The following AMBRA1 variants were observed in gnomAD, a reference collection of about 807,000 sequenced individuals.
AMBRA1 encodes autophagy and beclin 1 regulator 1, also known as activating molecule in BECN1-regulated autophagy protein 1.
In AMBRA1, 47 loss-of-function variants were observed where a neutral mutation model predicts 125.4. The ratio of observed to expected loss-of-function variants is 0.37; its 90% CI spans 0.30 to 0.48. The LOEUF (loss-of-function observed/expected upper bound fraction) is 0.48, where lower values mean the gene tolerates loss of function less well. Ranked by LOEUF, AMBRA1 falls within the 20% of genes least tolerant of loss-of-function variation. The pLI is 0.99. For missense variants in AMBRA1, 1,331 were observed against 1,693.4 expected (o/e 0.79, Z 3.76); for synonymous variants, 626 against 655.5 (o/e 0.95, Z 0.69).
intron 11 of AMBRA1, among the ~76,000 whole-genome samples, chr11:46,474,101 C>T (rs1007869233): frequency 2.6e-5 from 4 of 151,562 alleles, no homozygotes; most frequent in African/African-American, 7.3e-5. Flanking sequence ...TATATTACTC[C>T]TTAGAATAGC....
chr11:46,459,070 G>A (rs1948978030), intron 11 of AMBRA1, among the ~76,000 whole-genome samples: 1 of 152,074 alleles, frequency 6.6e-6, no homozygotes, highest in African/African-American at 2.4e-5. Flanking sequence ...AAGAAAATAG[G>A]TGACCAAATT....
At chr11:46,524,935 G>A (rs527729752) in intron 7 of AMBRA1, among the ~76,000 whole-genome samples, 1 of 152,314 alleles carries the variant, frequency 6.6e-6, no homozygotes, top group Admixed American at 6.5e-5. Flanking sequence ...TCTATGTGTT[G>A]GTCCATCCAA....
intron 8 of AMBRA1, 36 bp from the exon 9 acceptor site, chr11:46,508,406 A>T: frequency 6.3e-7 from 1 of 1,598,754 alleles, no homozygotes; most frequent in Non-Finnish European, 8.6e-7. Flanking sequence ...ACAAACTAGC[A>T]CTAATGTGGG....
At chr11:46,528,717 TAC>T (rs1369324773) in intron 7 of AMBRA1, among the ~76,000 whole-genome samples, 9 of 152,160 alleles carry the variant, frequency 5.9e-5, no homozygotes, top group African/African-American at 1.7e-4. Context: ...CAATAATGTG[TAC>T]TGTACACTTT....
intron 1 of AMBRA1, among the ~76,000 whole-genome samples, chr11:46,571,871 G>C (rs749397857): frequency 7.3e-5 from 11 of 151,708 alleles, no homozygotes; most frequent in Admixed American, 2.6e-4. Context: ...TGTGTTTTTA[G>C]TAGAGACAGG....
At chr11:46,414,572 GT>G (rs1946445535) in intron 15 of AMBRA1, among the ~76,000 whole-genome samples, 1 of 152,202 alleles carries the variant, frequency 6.6e-6, no homozygotes, top group East Asian at 1.9e-4. Flanking sequence ...TGTAGGGCTG[GT>G]TTATGAGGCC....
At chr11:46,487,342 T>G (rs1293779496) in intron 11 of AMBRA1, among the ~76,000 whole-genome samples, 1 of 151,932 alleles carries the variant, frequency 6.6e-6, no homozygotes, top group African/African-American at 2.4e-5. Flanking sequence ...TAAATTGTTG[T>G]TAACCAAAAA....
chr11:46,584,900 T>C (rs1407289368), intron 1 of AMBRA1, among the ~76,000 whole-genome samples: 4 of 152,110 alleles, frequency 2.6e-5, no homozygotes, highest in Non-Finnish European at 5.9e-5. Context: ...GGTGAAACCC[T>C]GTCTCTACTA....
At chr11:46,525,003 T>A (rs902841266) in intron 7 of AMBRA1, among the ~76,000 whole-genome samples, 4 of 152,146 alleles carry the variant, frequency 2.6e-5, no homozygotes, top group South Asian at 2.1e-4. Context: ...CAGTACTATA[T>A]AAAATACAGA....
At chr11:46,422,275 T>C (rs1294798282) in intron 14 of AMBRA1, among the ~76,000 whole-genome samples, 3 of 152,170 alleles carry the variant, frequency 2.0e-5, no homozygotes, top group Non-Finnish European at 4.4e-5. Flanking sequence ...CCAAAGTAGA[T>C]TGTTCTCATT....
At chr11:46,560,470 C>T (rs928877389) in intron 1 of AMBRA1, among the ~76,000 whole-genome samples, 6 of 152,090 alleles carry the variant, frequency 3.9e-5, no homozygotes, top group Admixed American at 1.3e-4. Flanking sequence ...GTCTGAAACA[C>T]GGGAAAGCTT....
At chr11:46,418,262 TTA>T (rs1164771645) in intron 14 of AMBRA1, among the ~76,000 whole-genome samples, 1 of 144,716 alleles carries the variant, frequency 6.9e-6, no homozygotes, top group East Asian at 2.0e-4. Flanking sequence ...ATTTTATTAT[TTA>T]TATATAATAT....
At chr11:46,540,852 T>C (rs939890183) in intron 7 of AMBRA1, among the ~76,000 whole-genome samples, 18 of 152,238 alleles carry the variant, frequency 1.2e-4, no homozygotes, top group Non-Finnish European at 2.2e-4. Context: ...GTAAAGACCA[T>C]GTATTATACT....
At chr11:46,553,734 G>C (rs999294812) in intron 1 of AMBRA1, among the ~76,000 whole-genome samples, 2 of 151,062 alleles carry the variant, frequency 1.3e-5, no homozygotes, top group Admixed American at 1.3e-4. Context: ...GACAGAGTGA[G>C]ACTCCATCTC....
At position 46,423,803 on chromosome 11, in the gene AMBRA1, G is replaced by T. The variant is rs555225453; in HGVS notation, c.2977-5751C>A. Among the ~76,000 whole-genome samples, 11 of 121,962 alleles carry T rather than the reference G, an allele frequency of 9.0e-5. No individual in the cohort carries two copies. In the South Asian group the frequency reaches 2.0e-3, roughly 23 times the overall value. The allele number at this position is 121,962 out of a possible 152,430, so 80.0% of individuals were successfully genotyped here. ...TTTGAGATGGAGTTCCGCTCTTGCT[G>T]CCCAGGCTAGAGTGCAGTGGCACGA... is the stretch of plus-strand genomic sequence containing the variant. On this transcript the variant is annotated intron_variant, in intron 14 of 17. Transcript: ENST00000683756.
chr11:46,455,182 C>T (rs1271916371), intron 11 of AMBRA1, among the ~76,000 whole-genome samples: 1 of 152,124 alleles, frequency 6.6e-6, no homozygotes, highest in Non-Finnish European at 1.5e-5. Flanking sequence ...CCACTGCACC[C>T]AGCATAGGTT....
rs567156653 is a variant in AMBRA1, at chr11:46,551,348, T to TATC, written c.-120-2851_-120-2849dup. Among the ~76,000 whole-genome samples, 1,083 of 152,056 alleles carry TATC rather than the reference T, an allele frequency of 7.1e-3. 8 individuals are homozygous for TATC. The highest frequency in any genetic ancestry group is 0.025 in the African/African-American group (1,027 of 41,510). On this transcript the variant is annotated intron_variant, in intron 1 of 17. Transcript: ENST00000683756. ...TTTTTAAAGAAACAGGGTATCACTCTATCACCCAGGCTGGAGTGCGATGGT... is the reference window on the plus strand; with the variant it reads ...TTTTTAAAGAAACAGGGTATCACTCTATCATCACCCAGGCTGGAGTGCGATGGT...
chr11:46,558,602 T>C (rs1437151373), intron 1 of AMBRA1, among the ~76,000 whole-genome samples: 1 of 146,048 alleles, frequency 6.8e-6, no homozygotes, highest in Non-Finnish European at 1.5e-5. Flanking sequence ...TCTACTAATA[T>C]CTAGCTGACA....
chr11:46,459,537 C>T (rs112357959), intron 11 of AMBRA1, among the ~76,000 whole-genome samples: 1 of 151,886 alleles, frequency 6.6e-6, no homozygotes, highest in African/African-American at 2.4e-5. Context: ...ATGGTGAAAC[C>T]CCGTCTCTAC....
Sources: allele counts gnomAD v4.1 joint callset (sites outside exome capture counted in the v4.1 genomes callset), GRCh38; gene constraint gnomAD v4.1.1; transcripts MANE v1.5; gene names NCBI Gene and HGNC (gene_info 2026-07-23, HGNC 2026-07-21).